The following TNKS2 variants were observed in gnomAD, a reference collection of about 807,000 sequenced individuals.
TNKS2 encodes tankyrase 2.
A neutral mutation model predicts 137.6 loss-of-function variants in TNKS2; 72 were observed. The ratio of observed to expected loss-of-function variants is 0.52; its 90% confidence interval spans 0.43 to 0.64. The LOEUF (loss-of-function observed/expected upper bound fraction) is 0.64. Ranked by LOEUF, TNKS2 falls within the 30% of genes least tolerant of loss-of-function variation. TNKS2 has a pLI of 0.00. For synonymous variants in TNKS2, 516 were observed against 512.1 expected (o/e 1.01, Z -0.10); for missense variants, 1,049 against 1,410.2 (o/e 0.74, Z 4.10).
chr10:91,855,259 CTAA>C, intron 22 of TNKS2, 133 bp downstream of exon 22: 1 of 652,264 alleles, frequency 1.5e-6, no homozygotes, highest in South Asian at 1.8e-5. Flanking sequence ...AGCTGATTAT[CTAA>C]TATTACTAGA....
chr10:91,844,434 C>CA (rs968471266), intron 16 of TNKS2, among the ~76,000 whole-genome samples: 43 of 152,226 alleles, frequency 2.8e-4, no homozygotes, highest in African/African-American at 7.7e-4. Flanking sequence ...TTCTCTCTAG[C>CA]AAAAAAGCAT....
chr10:91,848,267 G>A (rs1433481507), intron 18 of TNKS2, 116 bp from the exon 19 acceptor site: 13 of 1,131,756 alleles, frequency 1.1e-5, no homozygotes, highest in Non-Finnish European at 1.3e-5. Flanking sequence ...ATCCTCCATT[G>A]TGATAGTACT....
intron 1 of TNKS2, 68 bp downstream of exon 1, chr10:91,798,957 GA>G: frequency 7.7e-7 from 1 of 1,291,752 alleles, no homozygotes; most frequent in Non-Finnish European, 9.9e-7. Flanking sequence ...CCACAGGTCT[GA>G]AACCAGTGCT....
At chr10:91,831,223 A>AT in intron 11 of TNKS2, 42 bp downstream of exon 11, 1 of 1,555,764 alleles carries the variant, frequency 6.4e-7, no homozygotes, top group Non-Finnish European at 8.9e-7. Flanking sequence ...CCAATGAGTT[A>AT]TTTTTTATTT....
rs576380144 is a variant in TNKS2, at chr10:91,810,384, C to T, written c.200-2599C>T. Among the ~76,000 whole-genome samples the T allele has an allele frequency of 6.8e-5, 8 of 117,554 alleles. No homozygotes were observed. The South Asian group carries it at 3.1e-3, about 46-fold the overall frequency. The allele number at this position is 117,554 out of a possible 152,430, so 77.1% of individuals were successfully genotyped here. ...CAGAGTGAGACTCTGTCTCAAAAAACAAAACAACAACAACAAAAAAAACCC... is the reference window on the plus strand; with the variant it reads ...CAGAGTGAGACTCTGTCTCAAAAAATAAAACAACAACAACAAAAAAAACCC... On this transcript the variant is annotated intron_variant, in intron 1 of 26. Coordinates refer to ENST00000371627, the MANE Select transcript of TNKS2 (RefSeq NM_025235.4).
In TNKS2 at chr10:91,811,545, G is replaced by GA. The variant is rs555724707; in HGVS notation, c.200-1436dup. Reference sequence around the variant, plus strand: ...ATTATGAGCTCTTTGAGAGGAGGAAGAATCAAAGATACAAAGATACTCATC... The same window carrying GA: ...ATTATGAGCTCTTTGAGAGGAGGAAGAAATCAAAGATACAAAGATACTCATC... On this transcript the variant is annotated intron_variant, in intron 1 of 26. Transcript: ENST00000371627. 1.3e-3 allele frequency among the ~76,000 whole-genome samples: 204 copies of GA among 152,056 alleles called. 1 individual carries two copies. Among genetic ancestry groups the GA allele is most frequent in the East Asian group, 0.012 (61 of 5,162 alleles).
chr10:91,826,970 A>G, intron 7 of TNKS2, 47 bp from the exon 8 acceptor site: 2 of 1,423,896 alleles, frequency 1.4e-6, no homozygotes, highest in Non-Finnish European at 1.9e-6. Flanking sequence ...AATAATTCTG[A>G]ATTCTTTTAA....
intron 5 of TNKS2, 54 bp downstream of exon 5, chr10:91,819,611 A>G: frequency 7.6e-7 from 1 of 1,309,968 alleles, no homozygotes; most frequent in Non-Finnish European, 1.1e-6. Context: ...ATGAAGATAA[A>G]GATGTGTTTA....
At chr10:91,798,941 CG>C in intron 1 of TNKS2, 52 bp downstream of exon 1, 6 of 1,317,046 alleles carry the variant, frequency 4.6e-6, no homozygotes, top group South Asian at 2.1e-5. Flanking sequence ...CCTGCGCAGC[CG>C]GGGCCCACAG....
At chr10:91,862,893 A>C (rs753316204) in intron 26 of TNKS2, 44 bp from the exon 27 acceptor site, 1 of 1,444,206 alleles carries the variant, frequency 6.9e-7, no homozygotes, top group Admixed American at 1.8e-5. Context: ...TTATCTTTCA[A>C]GAAAATTTTT....
intron 9 of TNKS2, among the ~76,000 whole-genome samples, chr10:91,828,797 TG>T (rs1845146171): frequency 6.6e-6 from 1 of 152,136 alleles, no homozygotes; most frequent in South Asian, 2.1e-4. Context: ...TGAAAACACT[TG>T]GTGTAGTCCC....
rs1304571423 is a variant in TNKS2, at chr10:91,855,190, G to A, written c.2913+64G>A. 8 of 1,032,036 alleles carry A rather than the reference G, an allele frequency of 7.8e-6. No individual in the cohort carries two copies. In the Admixed American group the frequency reaches 1.2e-4, roughly 15 times the overall value. 63.9% of individuals were successfully genotyped at this position (1,032,036 alleles called of 1,614,324 possible). ...TATTTAGTTCACTTTGTATCCTCTTGTTTCTTTTTCTTCCTTTAGTTTGCA... is the reference window on the plus strand; with the variant it reads ...TATTTAGTTCACTTTGTATCCTCTTATTTCTTTTTCTTCCTTTAGTTTGCA... On this transcript the variant is annotated intron_variant, in intron 22 of 26. Transcript: ENST00000371627.
chr10:91,840,706 G>C lies in TNKS2; in HGVS notation c.1673G>C (p.Gly558Ala). ...HGADVHAKDKGGLVPLHNACS... is the reference protein window; with the variant it reads ...HGADVHAKDKAGLVPLHNACS... ...GCTGATGTGCATGCTAAAGATAAAG[G>C]GTAAATGCCAATGATTGTTATGGAC... Residue 558 changes from glycine (G) to alanine (A), a missense_variant and splice_region_variant, in exon 14 of 27, where the codon GGA (glycine) becomes GCA (alanine). Transcript: ENST00000371627. The C allele has an allele frequency of 6.2e-7, 1 of 1,610,872 alleles. No homozygotes were observed. The highest frequency in any genetic ancestry group is 8.5e-7 in the Non-Finnish European group (1 of 1,178,616).
intron 12 of TNKS2, 24 bp downstream of exon 12, chr10:91,834,048 G>T: frequency 1.3e-6 from 2 of 1,490,912 alleles, no homozygotes; most frequent in South Asian, 2.8e-5. Context: ...CAATGAAATT[G>T]ATTTTTTTAA....
intron 5 of TNKS2, 150 bp downstream of exon 5, chr10:91,819,707 A>G: frequency 5.1e-6 from 4 of 782,078 alleles, no homozygotes; most frequent in Non-Finnish European, 8.0e-6. Context: ...TCTTAAGCCT[A>G]GTAAAACTTT....
chr10:91,855,803 T>A, intron 23 of TNKS2, 115 bp downstream of exon 23: 1 of 622,632 alleles, frequency 1.6e-6, no homozygotes, highest in Non-Finnish European at 2.7e-6. Context: ...TGACTTGGCA[T>A]CAGAGACTAT....
chr10:91,849,423 A>G (rs1842477387), intron 19 of TNKS2, 89 bp from the exon 20 acceptor site: 1 of 938,928 alleles, frequency 1.1e-6, no homozygotes, highest in East Asian at 2.7e-5. Context: ...CTTCATATAT[A>G]GTAACATTAC....
chr10:91,849,390 TA>T, intron 19 of TNKS2, 121 bp from the exon 20 acceptor site: 1 of 691,444 alleles, frequency 1.4e-6, no homozygotes, highest in Non-Finnish European at 2.3e-6. Context: ...TATTATATCC[TA>T]AGTGGCTATT....
chr10:91,840,168 C>T (rs143402813), intron 13 of TNKS2, among the ~76,000 whole-genome samples: 14,348 of 151,982 alleles, frequency 0.094, 767 homozygotes, highest in East Asian at 0.19. Flanking sequence ...GGTGAAACCC[C>T]GCCTCTACTA....
Sources: allele counts gnomAD v4.1 joint callset (sites outside exome capture counted in the v4.1 genomes callset), GRCh38; gene constraint gnomAD v4.1.1; transcripts MANE v1.5; gene names NCBI Gene and HGNC (gene_info 2026-07-23, HGNC 2026-07-21).